KCNIP1: variants seen among roughly 807,000 people sequenced by gnomAD.
KCNIP1 encodes the protein potassium voltage-gated channel interacting protein 1.
Under a neutral mutation model 33.0 loss-of-function variants are expected in KCNIP1, and 18 were observed. The observed-to-expected ratio is 0.55, with a 90% CI of 0.38 to 0.81. The LOEUF is 0.81. KCNIP1 is among the 30% of genes least tolerant of loss of function. The probability of loss-of-function intolerance (pLI) is 0.00; values close to 1 mark genes in which losing one functional copy is unlikely to be tolerated. For missense variants in KCNIP1, 238 were observed against 271.6 expected (o/e 0.88, Z 0.87); for synonymous variants, 93 against 98.3 (o/e 0.95, Z 0.32).
chr5:170,510,482 C>G (rs1396473372), intron 1 of KCNIP1, among the ~76,000 whole-genome samples: 1 of 152,146 alleles, frequency 6.6e-6, no homozygotes, highest in African/African-American at 2.4e-5. Context: ...CTGCAAAATT[C>G]TGCATAATGG....
chr5:170,722,587 T>A, intron 4 of KCNIP1, 126 bp from the exon 5 acceptor site: 8 of 719,464 alleles, frequency 1.1e-5, no homozygotes, highest in Non-Finnish European at 2.0e-5. Context: ...AGCCACATCC[T>A]CCAGGCAGAC....
chr5:170,606,673 T>C (rs1183092585), intron 1 of KCNIP1, among the ~76,000 whole-genome samples: 1 of 152,114 alleles, frequency 6.6e-6, no homozygotes, highest in African/African-American at 2.4e-5. Context: ...CTAGTGCACA[T>C]GTGCGACCTC....
At chr5:170,354,015 G>C (rs1358058175) in intron 1 of KCNIP1, 5 of 1,521,436 alleles carry the variant, frequency 3.3e-6, no homozygotes, top group Non-Finnish European at 4.6e-6. Flanking sequence ...TGGCCTGGCT[G>C]GTCGCATTGC....
At chr5:170,535,383 C>T (rs1225957104) in intron 1 of KCNIP1, among the ~76,000 whole-genome samples, 1 of 152,162 alleles carries the variant, frequency 6.6e-6, no homozygotes, top group Non-Finnish European at 1.5e-5. Context: ...AGGCCACAAG[C>T]AAAGGCCAGC....
At chr5:170,720,604 G>T (rs1206833204) in intron 3 of KCNIP1, among the ~76,000 whole-genome samples, 2 of 152,186 alleles carry the variant, frequency 1.3e-5, no homozygotes, top group African/African-American at 2.4e-5. Flanking sequence ...GGGAAGAAGG[G>T]CTGATAATGC....
intron 1 of KCNIP1, among the ~76,000 whole-genome samples, chr5:170,373,850 G>A (rs1357573875): frequency 6.6e-6 from 1 of 152,198 alleles, no homozygotes; most frequent in Non-Finnish European, 1.5e-5. Context: ...GACTTTGCAA[G>A]CCTCCACTTT....
intron 1 of KCNIP1, among the ~76,000 whole-genome samples, chr5:170,521,031 C>T (rs1442459911): frequency 4.6e-5 from 7 of 152,204 alleles, no homozygotes; most frequent in African/African-American, 1.7e-4. Flanking sequence ...ATAATAGACA[C>T]CCGTTTGAGA....
chr5:170,716,098 G>A (rs554547779), intron 1 of KCNIP1, among the ~76,000 whole-genome samples: 4 of 152,334 alleles, frequency 2.6e-5, no homozygotes, highest in Admixed American at 2.6e-4. Context: ...ACAAAGAAAG[G>A]GAAGGGAGAG....
chr5:170,417,675 C>T (rs557832977), intron 1 of KCNIP1, among the ~76,000 whole-genome samples: 1 of 152,250 alleles, frequency 6.6e-6, no homozygotes, highest in East Asian at 1.9e-4. Flanking sequence ...GCTCTGCTGC[C>T]CTGGCCCTGG....
At chr5:170,467,079 GGA>G (rs1756623597) in intron 1 of KCNIP1, among the ~76,000 whole-genome samples, 1 of 152,144 alleles carries the variant, frequency 6.6e-6, no homozygotes, top group Admixed American at 6.6e-5. Flanking sequence ...GTTACCTTAG[GGA>G]GAGAAGTTTT....
intron 1 of KCNIP1, among the ~76,000 whole-genome samples, chr5:170,628,486 G>A (rs546002029): frequency 1.3e-5 from 2 of 150,796 alleles, no homozygotes; most frequent in Non-Finnish European, 3.0e-5. Flanking sequence ...TCCAAAGGGC[G>A]TGTGTGTGTG....
At chr5:170,717,525 G>A (rs1400718427) in intron 1 of KCNIP1, among the ~76,000 whole-genome samples, 1 of 152,066 alleles carries the variant, frequency 6.6e-6, no homozygotes, top group Non-Finnish European at 1.5e-5. Context: ...CCAAGTTACG[G>A]GAGCCTCACA....
At chr5:170,711,006 A>G (rs1763425478) in intron 1 of KCNIP1, among the ~76,000 whole-genome samples, 1 of 152,256 alleles carries the variant, frequency 6.6e-6, no homozygotes, top group Admixed American at 6.5e-5. Flanking sequence ...TGTGTTATAT[A>G]TGGTACATGC....
At chr5:170,720,164 A>G (rs949106058) in intron 2 of KCNIP1, among the ~76,000 whole-genome samples, 157 bp from the exon 3 acceptor site, 1 of 152,156 alleles carries the variant, frequency 6.6e-6, no homozygotes, top group Non-Finnish European at 1.5e-5. Context: ...TTTGCAAAGC[A>G]GCTCCAGTCC....
rs1159104987 is a variant in KCNIP1, at chr5:170,629,107, G to T, written c.62-89651G>T. ...TGGATTTGCTGTTCAGAAAACATCT[G>T]TTCCCTCCTTCGCCCCTGACATACG... On this transcript the variant is annotated intron_variant, in intron 1 of 7. Coordinates refer to ENST00000328939, the MANE Select transcript of KCNIP1 (RefSeq NM_014592.4). 2.0e-5 allele frequency among the ~76,000 whole-genome samples: 3 copies of T among 152,308 alleles called. No homozygotes were observed. The East Asian group carries it at 5.8e-4, about 29-fold the overall frequency.
intron 1 of KCNIP1, among the ~76,000 whole-genome samples, chr5:170,426,805 C>T (rs970605867): frequency 2.0e-5 from 3 of 152,360 alleles, no homozygotes; most frequent in Non-Finnish European, 4.4e-5. Flanking sequence ...AAGAGGGGTT[C>T]GTAGAGGGTG....
rs184776935 is a variant in KCNIP1 at position 170,675,217 on chromosome 5, C to G, written c.62-43541C>G. Among the ~76,000 whole-genome samples the G allele has an allele frequency of 4.5e-3, 683 of 151,882 alleles. 1 individual carries two copies. Among genetic ancestry groups the G allele is most frequent in the Middle Eastern group, 0.014 (4 of 290 alleles). ...GGGAGGCTAAGGTGGGGGGATCACT[C>G]GAGCCCAGGGGGCTGAGGCTGCAGT... On this transcript the variant is annotated intron_variant, in intron 1 of 7. Transcript: ENST00000328939.
intron 1 of KCNIP1, among the ~76,000 whole-genome samples, chr5:170,675,435 C>T (rs2339096): frequency 0.55 from 83,272 of 152,002 alleles, 23,654 homozygotes; most frequent in East Asian, 0.69. Flanking sequence ...CTGGCCAACA[C>T]GGTGAAACCC....
At chr5:170,612,650 A>G (rs1759209471) in intron 1 of KCNIP1, among the ~76,000 whole-genome samples, 1 of 152,134 alleles carries the variant, frequency 6.6e-6, no homozygotes, top group South Asian at 2.1e-4. Context: ...GGTTTAATGG[A>G]GTGGAGTCCC....
Sources: allele counts gnomAD v4.1 joint callset (sites outside exome capture counted in the v4.1 genomes callset), GRCh38; gene constraint gnomAD v4.1.1; transcripts MANE v1.5; gene names NCBI Gene and HGNC (gene_info 2026-07-23, HGNC 2026-07-21).